MTMR10: variants seen among roughly 807,000 people sequenced by gnomAD.
MTMR10 encodes the protein myotubularin related protein 10, also known as myotubularin-related protein 10.
Under a neutral mutation model 88.1 loss-of-function variants are expected in MTMR10, and 56 were observed. That is an observed-to-expected ratio of 0.64 (90% confidence interval 0.51 to 0.79). The LOEUF is 0.79. MTMR10 is among the 30% of genes least tolerant of loss of function. The pLI is 0.00. For missense variants in MTMR10, 883 were observed against 924.7 expected, an observed-to-expected ratio of 0.95 and a Z score of 0.58; for synonymous variants, 380 against 340.9, an observed-to-expected ratio of 1.11 and a Z score of -1.26.
chr15:30,948,045 T>C (rs78590465), intron 13 of MTMR10, among the ~76,000 whole-genome samples: 2,020 of 152,330 alleles, frequency 0.013, 40 homozygotes, highest in African/African-American at 0.046. Flanking sequence ...TTTTCAGTAT[T>C]TTATTCAGAA....
intron 9 of MTMR10, among the ~76,000 whole-genome samples, chr15:30,956,957 G>A (rs1030555302): frequency 9.9e-5 from 15 of 152,158 alleles, no homozygotes; most frequent in African/African-American, 2.9e-4. Flanking sequence ...AGAGAATACG[G>A]ACTCGTGTGA....
intron 2 of MTMR10, among the ~76,000 whole-genome samples, chr15:30,984,251 G>A (rs1271058945): frequency 6.6e-6 from 1 of 152,188 alleles, no homozygotes; most frequent in Non-Finnish European, 1.5e-5. Flanking sequence ...GGAGTTTGGA[G>A]GGGTAAGAAA....
At position 30,941,996 on chromosome 15, in the gene MTMR10, G is replaced by C. The variant is rs1394708349; in HGVS notation, c.1808C>G (p.Pro603Arg). The change falls in exon 16 of 16, where the codon CCA becomes CGA. Residue 603 changes from proline to arginine, a missense_variant. Around this residue, in one of 3 missense-constraint regions of MTMR10, gnomAD observed 343 missense variants for 323.2 expected, o/e 1.06. Coordinates refer to ENST00000435680, the MANE Select transcript of MTMR10 (RefSeq NM_017762.3). ...TTTTAATATCAATGAATTTCTCCTTGGAAGTAATTCTTGGTCACTGATGAT... is the reference window on the plus strand; with the variant it reads ...TTTTAATATCAATGAATTTCTCCTTCGAAGTAATTCTTGGTCACTGATGAT... ...NGIISDQELL[P>R]RRNSLILKPK... is the part of the protein sequence containing the mutation. The C allele has an allele frequency of 1.2e-6, 2 of 1,613,940 alleles. No homozygotes were observed. Among genetic ancestry groups the C allele is most frequent in the South Asian group, 2.2e-5 (2 of 91,080 alleles).
At chr15:30,943,658 G>C in intron 14 of MTMR10, 3 of 985,408 alleles carry the variant, frequency 3.0e-6, no homozygotes, top group Non-Finnish European at 3.6e-6. Context: ...GTACACAGGA[G>C]ACCCCTCCTT....
At chr15:30,985,642 A>G (rs751312391) in intron 2 of MTMR10, among the ~76,000 whole-genome samples, 7 of 152,220 alleles carry the variant, frequency 4.6e-5, no homozygotes, top group Admixed American at 1.3e-4. Flanking sequence ...TCTGCAAGCT[A>G]TATTAGTTAA....
At position 30,941,861 on chromosome 15, in the gene MTMR10, C is replaced by A. The variant is rs6493352; in HGVS notation, c.1943G>T (p.Arg648Leu). 1 of 1,613,872 alleles carries A rather than the reference C, an allele frequency of 6.2e-7. No individual in the cohort carries two copies. The highest frequency in any genetic ancestry group is 1.7e-5 in the Admixed American group (1 of 60,004). Residue 648 changes from arginine to leucine, a missense_variant, in exon 16 of 16, where the codon CGT (arginine) becomes CTT (leucine). Physicochemically the swap from Arg to Leu is moderately radical, Grantham distance 102 (BLOSUM62 -2). This residue lies in a region of MTMR10 where 343 missense variants were observed against 323.2 expected (regional missense o/e 1.06). Coordinates refer to ENST00000435680, the MANE Select transcript of MTMR10 (RefSeq NM_017762.3). ...PANLHGVILPRVSGTHIKLWK... is the reference protein window; with the variant it reads ...PANLHGVILPLVSGTHIKLWK... ...CAGTTTTATGTGTGTTCCAGAGACACGTGGCAGAATAACACCGTGCAGGTT... is the reference window on the plus strand; with the variant it reads ...CAGTTTTATGTGTGTTCCAGAGACAAGTGGCAGAATAACACCGTGCAGGTT...
chr15:30,959,183 C>A, intron 7 of MTMR10, 62 bp from the exon 8 acceptor site: 5 of 1,389,832 alleles, frequency 3.6e-6, no homozygotes, highest in Non-Finnish European at 4.0e-6. Context: ...TGTGCTCCTG[C>A]AGACCCTATA....
the MTMR10 span, chr15:30,928,051 A>G: frequency 2.0e-6 from 2 of 992,794 alleles, no homozygotes; most frequent in South Asian, 9.1e-5. Flanking sequence ...GATGAGGTGC[A>G]TCAGAGCAGC....
At chr15:30,970,316 T>G (rs1595935183) in intron 5 of MTMR10, among the ~76,000 whole-genome samples, 1 of 152,124 alleles carries the variant, frequency 6.6e-6, no homozygotes, top group East Asian at 1.9e-4. Flanking sequence ...TACAGAAAGT[T>G]AGATAACTAT....
intron 2 of MTMR10, among the ~76,000 whole-genome samples, chr15:30,988,904 C>T (rs1351211293): frequency 2.0e-5 from 3 of 149,638 alleles, no homozygotes; most frequent in Non-Finnish European, 4.4e-5. Context: ...GCAGGAGAAT[C>T]GCTTGAACCT....
rs1277874969 is a variant in MTMR10 at position 30,974,447 on chromosome 15, T to C, written c.341A>G (p.His114Arg). The change falls in exon 5 of 16, where the codon CAC (histidine) becomes CGC (arginine). Residue 114 changes from histidine to arginine, a missense_variant. Transcript: ENST00000435680. The stretch of plus-strand genomic sequence containing the variant: ...GCCTAGGACTTTCTGCTTCCTCTTG[T>C]GGTCGTTTACTAAAAAAGAAAAAAA... The part of the protein sequence containing the change: ...CIEQIVTVND[H>R]KRKQKVLGPN... The C allele has an allele frequency of 2.0e-6, 3 of 1,538,450 alleles. No homozygotes were observed. In the African/African-American group the frequency reaches 4.2e-5, roughly 21 times the overall value.
the MTMR10 span, among the ~76,000 whole-genome samples, chr15:30,930,271 A>AT: frequency 6.6e-6 from 1 of 151,776 alleles, no homozygotes; most frequent in Non-Finnish European, 1.5e-5. Flanking sequence ...CATCCTCCAC[A>AT]TCCCTCTTCC....
rs111241337 is a variant in MTMR10, at chr15:30,978,047, T to C, written c.122-1092A>G. Among the ~76,000 whole-genome samples, 1,246 of 152,296 alleles carry C rather than the reference T, an allele frequency of 8.2e-3. 14 individuals are homozygous for C. Among genetic ancestry groups the C allele is most frequent in the African/African-American group, 0.028 (1,180 of 41,558 alleles). ...AGCTACCAGCCTTCCTCACCCTCACTGCTCTGCCCACAGTGGTGGCCTATT... is the reference window on the plus strand; with the variant it reads ...AGCTACCAGCCTTCCTCACCCTCACCGCTCTGCCCACAGTGGTGGCCTATT... On this transcript the variant is annotated intron_variant, in intron 2 of 15. Transcript: ENST00000435680.
At chr15:30,975,282 A>T (rs1209462690) in intron 3 of MTMR10, among the ~76,000 whole-genome samples, 1 of 152,206 alleles carries the variant, frequency 6.6e-6, no homozygotes, top group East Asian at 1.9e-4. Flanking sequence ...ACAACATATT[A>T]AAGAAAAAAG....
intron 7 of MTMR10, 64 bp downstream of exon 7, chr15:30,960,817 T>G (rs2063391505): frequency 1.4e-6 from 2 of 1,423,876 alleles, no homozygotes; most frequent in South Asian, 1.8e-5. Context: ...GACAACAGAG[T>G]TTGATGATTA....
chr15:30,932,623 C>G, the MTMR10 span, among the ~76,000 whole-genome samples: 1 of 151,776 alleles, frequency 6.6e-6, no homozygotes, highest in Non-Finnish European at 1.5e-5. Flanking sequence ...TTATCTGTTT[C>G]TTCTTGATTG....
the MTMR10 span, chr15:30,922,480 CTTT>C: frequency 4.9e-6 from 5 of 1,012,654 alleles, 1 homozygote; most frequent in South Asian, 6.8e-5. Flanking sequence ...TAACATTCTT[CTTT>C]TGTCTGTGTT....
In MTMR10 at chr15:30,941,114, A is replaced by C. The variant is rs1448658174; in HGVS notation, c.*356T>G. On this transcript the variant is annotated 3_prime_UTR_variant, in exon 16 of 16. Coordinates refer to ENST00000435680, the MANE Select transcript of MTMR10 (RefSeq NM_017762.3). Reference sequence around the variant, plus strand: ...AAATGACACGAAACACAAATTTCCTAACTTTCCTGTTGTCTGCTGCCTGGG... The same window carrying C: ...AAATGACACGAAACACAAATTTCCTCACTTTCCTGTTGTCTGCTGCCTGGG... 6 of 1,245,020 alleles carry C rather than the reference A, an allele frequency of 4.8e-6. No individual in the cohort carries two copies. Among genetic ancestry groups the C allele is most frequent in the Non-Finnish European group, 6.2e-6 (6 of 971,082 alleles). 77.1% of individuals were successfully genotyped at this position (1,245,020 alleles called of 1,614,324 possible).
At chr15:30,943,264 A>T in intron 14 of MTMR10, 192 bp from the exon 15 acceptor site, 1 of 985,394 alleles carries the variant, frequency 1.0e-6, no homozygotes, top group Non-Finnish European at 1.2e-6. Context: ...CACAGTCCCC[A>T]TGAACAAGGA....
Sources: allele counts gnomAD v4.1 joint callset (sites outside exome capture counted in the v4.1 genomes callset), GRCh38; gene constraint gnomAD v4.1.1; regional missense constraint gnomAD v4.1.1; transcripts MANE v1.5; gene names NCBI Gene and HGNC (gene_info 2026-07-23, HGNC 2026-07-21).